Variants in MAP4 observed in about 807,000 individuals in gnomAD.
MAP4 encodes microtubule-associated protein 4.
MAP4 carries 76 observed loss-of-function variants against 170.2 expected under a neutral mutation model. The observed-to-expected ratio is 0.45, with a 90% confidence interval of 0.37 to 0.54. The LOEUF (loss-of-function observed/expected upper bound fraction) is 0.54, where lower values mean the gene tolerates loss of function less well. Ranked by LOEUF, MAP4 falls within the 20% of genes least tolerant of loss-of-function variation. The probability of loss-of-function intolerance (pLI) is 0.00; values close to 1 mark genes in which losing one functional copy is unlikely to be tolerated. For synonymous variants in MAP4, 909 were observed against 994.5 expected, an observed-to-expected ratio of 0.91 and a Z score of 1.62; for missense variants, 2,506 against 2,748.0, an observed-to-expected ratio of 0.91 and a Z score of 1.97.
chr3:47,911,402 G>A lies in MAP4; in HGVS notation c.3019C>T (p.Pro1007Ser), dbSNP rs1559424662. The A allele has an allele frequency of 2.0e-6, 3 of 1,536,036 alleles. No individual in the cohort carries two copies. The highest frequency in any genetic ancestry group is 2.6e-6 in the Non-Finnish European group (3 of 1,146,874). Residue 1007 changes from proline (P) to serine (S), a missense_variant, in exon 9 of 21, where the codon CCT becomes TCT. Pro to Ser is a moderately conservative substitution (Grantham distance 74). Coordinates refer to ENST00000683076, the MANE Select transcript of MAP4 (RefSeq NM_001385682.1). This position sits in a 1 kb window ranked among gnomAD's most constrained non-coding sequence, Gnocchi z 4.0. ...KLQNVKLKEF[P>S]EGAEEDKELK... is the part of the protein sequence containing the mutation. The stretch of plus-strand genomic sequence containing the variant: ...TCTTTATCCTCTTCAGCTCCTTCAG[G>A]AAACTCCTTCAGTTTGACATTCTGC...
chr3:48,000,480 C>G (rs1332703208), intron 1 of MAP4, among the ~76,000 whole-genome samples: 1 of 152,112 alleles, frequency 6.6e-6, no homozygotes, highest in African/African-American at 2.4e-5. Flanking sequence ...TCTATTCTTC[C>G]TATCTCCCCT....
chr3:47,901,119 T>G (rs1021844268), intron 10 of MAP4, among the ~76,000 whole-genome samples: 1 of 152,214 alleles, frequency 6.6e-6, no homozygotes, highest in African/African-American at 2.4e-5. Context: ...AGCCATACTT[T>G]CAGAGTCTCC....
rs149308592 is a variant in MAP4 at position 47,966,596 on chromosome 3, G to T, written c.292+11269C>A. On this transcript the variant is annotated intron_variant, in intron 3 of 20. Coordinates refer to ENST00000683076, the MANE Select transcript of MAP4 (RefSeq NM_001385682.1). ...AGGTCTTCCTATAGTGCCTAGGCTG[G>T]TCTTGAACTCCTTGCCTCAAGCAAT... Among the ~76,000 whole-genome samples, 613 of 151,980 alleles carry T rather than the reference G, an allele frequency of 4.0e-3. 6 individuals carry two copies. Among genetic ancestry groups the T allele is most frequent in the African/African-American group, 0.014 (594 of 41,444 alleles).
intron 1 of MAP4, among the ~76,000 whole-genome samples, chr3:48,059,514 CAAAA>C (rs762700404): frequency 1.1e-4 from 2 of 18,008 alleles, no homozygotes; most frequent in African/African-American, 2.7e-4. Flanking sequence ...GACTCCATCT[CAAAA>C]AAAAAAAAAA....
At chr3:48,060,946 G>A (rs922570617) in intron 1 of MAP4, among the ~76,000 whole-genome samples, 2 of 151,930 alleles carry the variant, frequency 1.3e-5, no homozygotes, top group South Asian at 2.1e-4. Context: ...CCAAGTACAC[G>A]CCATTCTCCT....
intron 1 of MAP4, among the ~76,000 whole-genome samples, chr3:48,006,276 A>C (rs2100102269): frequency 6.6e-6 from 1 of 152,150 alleles, no homozygotes; most frequent in Non-Finnish European, 1.5e-5. Flanking sequence ...TATGCAGTGA[A>C]TCTTTCTCCC....
At chr3:47,941,313 T>TA (rs1441115203) in intron 3 of MAP4, among the ~76,000 whole-genome samples, 1 of 150,750 alleles carries the variant, frequency 6.6e-6, no homozygotes, top group Non-Finnish European at 1.5e-5. Context: ...TACCCATAGT[T>TA]ACCTGGAAAA....
chr3:47,853,208 C>A lies in MAP4; in HGVS notation c.6841G>T (p.Asp2281Tyr). The A allele has an allele frequency of 6.3e-7, 1 of 1,579,220 alleles. No homozygotes were observed. Among genetic ancestry groups the A allele is most frequent in the South Asian group, 1.2e-5 (1 of 86,036 alleles). ...NGHPTLSGGG[D>Y]QREAQTLDSQ... ...TCCAAGGTCTGGGCCTCCCTTTGGTCACCACCCCCTGACAGGGTGGGGTGG... is the reference window on the plus strand; with the variant it reads ...TCCAAGGTCTGGGCCTCCCTTTGGTAACCACCCCCTGACAGGGTGGGGTGG... Residue 2281 changes from aspartate to tyrosine, a missense_variant, in exon 20 of 21, where the codon GAC becomes TAC. Coordinates refer to ENST00000683076, the MANE Select transcript of MAP4 (RefSeq NM_001385682.1).
chr3:47,902,930 A>T lies in MAP4; in HGVS notation c.5434+20T>A, dbSNP rs2100030914. 4 of 981,208 alleles carry T rather than the reference A, an allele frequency of 4.1e-6. No homozygotes were observed. The highest frequency in any genetic ancestry group is 4.7e-5 in the South Asian group (1 of 21,186). The allele number at this position is 981,208 out of a possible 1,614,324, so 60.8% of individuals were successfully genotyped here. A position where few individuals can be genotyped will look rare whatever the true frequency, so the allele number is the denominator to read the frequency against. ...GGGTTTATAAATTACTTCAAGTTTC[A>T]CACCAAGAGAGTTTCTCACCATAAA... On this transcript the variant is annotated intron_variant, in intron 10 of 20. Transcript: ENST00000683076.
chr3:47,912,374 A>C lies in MAP4; in HGVS notation c.2047T>G (p.Cys683Gly), dbSNP rs1234094440. 1.3e-6 allele frequency: 2 copies of C among 1,531,650 alleles called. No homozygotes were observed. The highest frequency in any genetic ancestry group is 8.7e-7 in the Non-Finnish European group (1 of 1,143,912). 94.9% of individuals were successfully genotyped at this position (1,531,650 alleles called of 1,614,324 possible). Residue 683 changes from cysteine to glycine, a missense_variant, in exon 9 of 21, where the codon TGC (cysteine) becomes GGC (glycine). Transcript: ENST00000683076. ...GTTGACCTGCGGTCACTGGGTCTGC[A>C]AACTTGTTTGGCTTGTGTGGGAGGG... ...GTPPTQAKQV[C>G]RPSDRRSTRP...
intron 3 of MAP4, among the ~76,000 whole-genome samples, chr3:47,949,570 G>A (rs983769005): frequency 1.3e-5 from 2 of 151,894 alleles, no homozygotes; most frequent in Non-Finnish European, 2.9e-5. Context: ...GAGTGGGGTA[G>A]GTATCCTGCT....
intron 1 of MAP4, among the ~76,000 whole-genome samples, chr3:48,071,378 CA>C (rs982870746): frequency 6.6e-6 from 1 of 150,820 alleles, no homozygotes; most frequent in Admixed American, 6.6e-5. Context: ...CCTGTCTCTA[CA>C]AAAAAAATAC....
At chr3:47,877,250 C>T (rs2095627710) in intron 11 of MAP4, 167 bp downstream of exon 11, 2 of 584,084 alleles carry the variant, frequency 3.4e-6, no homozygotes, top group Non-Finnish European at 6.1e-6. Flanking sequence ...GTTTAGGCCA[C>T]TGTGGTAAAT....
intron 9 of MAP4, among the ~76,000 whole-genome samples, chr3:47,908,814 G>A (rs535304742): frequency 1.3e-5 from 2 of 152,266 alleles, no homozygotes; most frequent in East Asian, 3.9e-4. Flanking sequence ...GTTCAGTGCT[G>A]GGTAAAAAAG....
chr3:47,955,912 C>A (rs1012568129), intron 3 of MAP4, among the ~76,000 whole-genome samples: 14 of 152,078 alleles, frequency 9.2e-5, no homozygotes, highest in Non-Finnish European at 1.5e-4. Flanking sequence ...CTGAATGGAG[C>A]CTTTAGCAAG....
intron 3 of MAP4, among the ~76,000 whole-genome samples, chr3:47,955,063 T>C (rs775417257): frequency 1.3e-5 from 2 of 152,278 alleles, no homozygotes; most frequent in South Asian, 2.1e-4. Context: ...AGGGTAGTGA[T>C]ACCTATTATA....
chr3:47,875,393 A>AAAG (rs1385384540), intron 12 of MAP4, among the ~76,000 whole-genome samples: 1 of 152,216 alleles, frequency 6.6e-6, no homozygotes, highest in African/African-American at 2.4e-5. Flanking sequence ...CAGGGAAGGG[A>AAAG]AAGGTAAGAG....
intron 1 of MAP4, among the ~76,000 whole-genome samples, chr3:47,999,790 T>C (rs925312172): frequency 1.3e-5 from 2 of 151,404 alleles, no homozygotes; most frequent in African/African-American, 2.4e-5. Flanking sequence ...CCTTGTGACA[T>C]GTGTTTACCT....
chr3:48,075,974 C>CAAAAAA (rs60556044), intron 1 of MAP4, among the ~76,000 whole-genome samples: 2 of 47,566 alleles, frequency 4.2e-5, no homozygotes, highest in Admixed American at 2.3e-4. Flanking sequence ...AACTCCATCT[C>CAAAAAA]AAAAAAAAAA....
Sources: gnomAD v4.1 joint callset for allele counts (sites outside exome capture counted in the v4.1 genomes callset) on GRCh38, gnomAD v4.1.1 for gene constraint, Gnocchi (gnomAD v3.1) non-coding constraint, MANE v1.5 for transcripts, NCBI Gene and HGNC (gene_info 2026-07-23, HGNC 2026-07-21) for gene names.